Variants in SUMF1 observed in about 807,000 individuals in gnomAD.
SUMF1 encodes the protein formylglycine-generating enzyme.
Under a neutral mutation model 47.6 loss-of-function variants are expected in SUMF1, and 48 were observed. That is an observed-to-expected ratio of 1.01 (90% CI 0.80 to 1.28). The LOEUF (loss-of-function observed/expected upper bound fraction) is 1.28, where lower values mean the gene tolerates loss of function less well. SUMF1 is among the 50% of genes most tolerant of loss of function. The pLI is 0.00. For synonymous variants in SUMF1, 230 were observed against 192.1 expected (o/e 1.20, Z -1.63); for missense variants, 571 against 485.4 (o/e 1.18, Z -1.66).
Position 4,102,153 on chromosome 3 carries a change from G to C in SUMF1, c.1015-33408C>G, listed in dbSNP as rs114530670. On this transcript the variant is annotated intron_variant and NMD_transcript_variant, in intron 8 of 12. Coordinates refer to the SUMF1 transcript ENST00000448413. Reference sequence around the variant, plus strand: ...AACTACAATTCAACATGAGATTTTGGTGGGGATACAGCCAAGTCATATCAT... The same window carrying C: ...AACTACAATTCAACATGAGATTTTGCTGGGGATACAGCCAAGTCATATCAT... 4.2e-3 allele frequency among the ~76,000 whole-genome samples: 639 copies of C among 152,270 alleles called. 4 individuals are homozygous for C. Among genetic ancestry groups the C allele is most frequent in the Non-Finnish European group, 6.8e-3 (464 of 68,018 alleles).
At chr3:4,089,428 G>A (rs11920268) in intron 8 of SUMF1, among the ~76,000 whole-genome samples, 22,715 of 151,886 alleles carry the variant, frequency 0.15, 3,602 homozygotes, top group African/African-American at 0.39. Context: ...TTAGAGAAAT[G>A]TGTAATAAAC....
intron 8 of SUMF1, among the ~76,000 whole-genome samples, chr3:4,101,160 G>A (rs1312006629): frequency 6.6e-6 from 1 of 151,102 alleles, no homozygotes; most frequent in African/African-American, 2.4e-5. Context: ...CAGGGGAATT[G>A]AAATCAGTAT....
intron 8 of SUMF1, among the ~76,000 whole-genome samples, chr3:4,138,655 G>C (rs558578886): frequency 6.6e-6 from 1 of 152,044 alleles, no homozygotes; most frequent in African/African-American, 2.4e-5. Flanking sequence ...CGCCATCCAG[G>C]ACTCCATGCA....
At chr3:4,131,809 A>T (rs373941113) in intron 8 of SUMF1, among the ~76,000 whole-genome samples, 10 of 152,200 alleles carry the variant, frequency 6.6e-5, no homozygotes, top group African/African-American at 2.2e-4. Flanking sequence ...AATAAAGTGG[A>T]TAGGATGACC....
intron 8 of SUMF1, among the ~76,000 whole-genome samples, chr3:4,237,205 A>C (rs562089412): frequency 1.3e-5 from 2 of 152,240 alleles, no homozygotes; most frequent in African/African-American, 4.8e-5. Flanking sequence ...AGAAGCTGCC[A>C]AACTGTTTTG....
chr3:4,257,613 G>A (rs370545375), intron 8 of SUMF1, among the ~76,000 whole-genome samples: 1,901 of 148,826 alleles, frequency 0.013, 28 homozygotes, highest in African/African-American at 0.045. Flanking sequence ...AATAAAAGAG[G>A]ATACAAACAA....
chr3:4,422,532 A>G (rs1280680921), intron 3 of SUMF1, among the ~76,000 whole-genome samples: 1 of 151,384 alleles, frequency 6.6e-6, no homozygotes, highest in East Asian at 1.9e-4. Flanking sequence ...CCATTCTACT[A>G]CTAATGGGTA....
At chr3:4,171,384 TG>T (rs1694829434) in intron 8 of SUMF1, among the ~76,000 whole-genome samples, 1 of 152,160 alleles carries the variant, frequency 6.6e-6, no homozygotes, top group Non-Finnish European at 1.5e-5. Context: ...ATTAACTTTT[TG>T]AGGTGGTGGT....
intron 8 of SUMF1, among the ~76,000 whole-genome samples, chr3:4,341,116 T>C (rs943004682): frequency 6.6e-6 from 1 of 151,876 alleles, no homozygotes; most frequent in Admixed American, 6.6e-5. Context: ...ACTGTCTGTA[T>C]CCCCCAAAAA....
intron 8 of SUMF1, among the ~76,000 whole-genome samples, chr3:4,308,750 G>C (rs1698290532): frequency 6.6e-6 from 1 of 152,120 alleles, no homozygotes; most frequent in Non-Finnish European, 1.5e-5. Context: ...TTTCCTGCCT[G>C]GTCTGCACAC....
intron 7 of SUMF1, among the ~76,000 whole-genome samples, chr3:4,407,010 C>T (rs1398086829): frequency 6.6e-6 from 1 of 152,044 alleles, no homozygotes; most frequent in African/African-American, 2.4e-5. Context: ...CAGCACTGGC[C>T]ATTTACTAGG....
At chr3:4,303,351 G>A in intron 8 of SUMF1, 1 of 1,535,074 alleles carries the variant, frequency 6.5e-7, no homozygotes, top group Admixed American at 2.1e-5. Flanking sequence ...AGGGTAGTGG[G>A]CGTTGCGTGA....
intron 8 of SUMF1, among the ~76,000 whole-genome samples, chr3:4,250,354 G>A (rs1237495876): frequency 6.6e-6 from 1 of 151,724 alleles, no homozygotes; most frequent in Non-Finnish European, 1.5e-5. Context: ...GGGAAAGAAA[G>A]GAAAGAAAGT....
intron 8 of SUMF1, among the ~76,000 whole-genome samples, chr3:4,326,436 C>A (rs749143077): frequency 1.5e-4 from 23 of 151,030 alleles, no homozygotes; most frequent in Non-Finnish European, 5.9e-5. Flanking sequence ...CTGGGCCTGT[C>A]AGAAAATGAC....
At chr3:4,254,777 C>T (rs1479633530) in intron 8 of SUMF1, among the ~76,000 whole-genome samples, 2 of 149,276 alleles carry the variant, frequency 1.3e-5, no homozygotes, top group East Asian at 3.9e-4. Context: ...CACAAAGATA[C>T]TCCTCGAGAA....
chr3:4,059,005 T>C (rs1695235724), intron 9 of SUMF1, among the ~76,000 whole-genome samples: 1 of 152,164 alleles, frequency 6.6e-6, no homozygotes, highest in African/African-American at 2.4e-5. Context: ...AAAATGCCTT[T>C]CTTTTCATTA....
At chr3:4,423,900 G>A (rs769923171) in intron 3 of SUMF1, among the ~76,000 whole-genome samples, 11 of 152,052 alleles carry the variant, frequency 7.2e-5, no homozygotes, top group South Asian at 2.1e-4. Context: ...CATGTGAAGC[G>A]CCTGCTCCCA....
At chr3:4,261,522 C>T (rs911989091) in intron 8 of SUMF1, among the ~76,000 whole-genome samples, 6 of 152,260 alleles carry the variant, frequency 3.9e-5, no homozygotes, top group Non-Finnish European at 8.8e-5. Context: ...CTTGTCCTGC[C>T]GTCTCTGGAG....
intron 8 of SUMF1, chr3:4,313,894 C>A: frequency 6.9e-7 from 1 of 1,439,002 alleles, no homozygotes; most frequent in Non-Finnish European, 9.3e-7. Flanking sequence ...CCATCAGTAT[C>A]CTTTCCCCTT....
Sources: gnomAD v4.1 joint callset for allele counts (sites outside exome capture counted in the v4.1 genomes callset) on GRCh38, gnomAD v4.1.1 for gene constraint, MANE v1.5 for transcripts, NCBI Gene and HGNC (gene_info 2026-07-23, HGNC 2026-07-21) for gene names.